Variants in ST7 observed in about 807,000 individuals in gnomAD.
The protein encoded by ST7 is suppressor of tumorigenicity 7 protein.
A neutral mutation model predicts 78.7 loss-of-function variants in ST7; 28 were observed. The ratio of observed to expected loss-of-function variants is 0.36; its 90% confidence interval spans 0.26 to 0.49. The LOEUF is 0.49. Among genes scored for constraint, ST7 ranks in the 20% least tolerant of loss-of-function variants. ST7 has a pLI of 0.99. For missense variants in ST7, 418 were observed against 696.0 expected (o/e 0.60, Z 4.49); for synonymous variants, 247 against 249.6 (o/e 0.99, Z 0.10).
At chr7:116,991,123 A>G (rs1794409204) in intron 1 of ST7, among the ~76,000 whole-genome samples, 2 of 152,148 alleles carry the variant, frequency 1.3e-5, no homozygotes, top group African/African-American at 4.8e-5. Context: ...TTTATCTATT[A>G]TACTTTTGAT....
At chr7:117,158,900 A>G (rs1806912400) in intron 9 of ST7, among the ~76,000 whole-genome samples, 2 of 152,346 alleles carry the variant, frequency 1.3e-5, no homozygotes, top group South Asian at 2.1e-4. Context: ...ACAAAATAGT[A>G]TCTGCTCTTT....
intron 12 of ST7, among the ~76,000 whole-genome samples, chr7:117,197,868 G>A (rs1182879199): frequency 6.6e-6 from 1 of 152,138 alleles, no homozygotes; most frequent in Non-Finnish European, 1.5e-5. Flanking sequence ...AAGATCGCTT[G>A]AGTCTAGGAG....
At chr7:117,175,016 C>T (rs765422188) in intron 10 of ST7, among the ~76,000 whole-genome samples, 31 of 152,168 alleles carry the variant, frequency 2.0e-4, no homozygotes, top group African/African-American at 6.8e-4. Context: ...ATTTCAGTGA[C>T]GCCTCATTGT....
chr7:117,176,462 G>A (rs539562823), intron 10 of ST7, among the ~76,000 whole-genome samples: 1 of 152,296 alleles, frequency 6.6e-6, no homozygotes, highest in African/African-American at 2.4e-5. Context: ...AGTCATTAGG[G>A]AATCATGCTA....
intron 1 of ST7, among the ~76,000 whole-genome samples, chr7:117,023,719 A>G (rs1796044117): frequency 1.3e-5 from 2 of 152,138 alleles, no homozygotes; most frequent in East Asian, 1.9e-4. Flanking sequence ...AGAAAGTACT[A>G]TCAAGTTTTG....
intron 1 of ST7, among the ~76,000 whole-genome samples, chr7:116,961,385 G>A (rs934250619): frequency 6.6e-6 from 1 of 152,162 alleles, no homozygotes; most frequent in Non-Finnish European, 1.5e-5. Context: ...GAATATCATT[G>A]AAATTGTAAA....
chr7:117,154,978 C>T (rs1184220266), intron 9 of ST7, among the ~76,000 whole-genome samples: 1 of 151,956 alleles, frequency 6.6e-6, no homozygotes, highest in African/African-American at 2.4e-5. Flanking sequence ...TATAGAATGC[C>T]TCACACCAGG....
intron 13 of ST7, among the ~76,000 whole-genome samples, chr7:117,212,999 T>C (rs984083242): frequency 4.6e-5 from 7 of 152,234 alleles, no homozygotes; most frequent in Admixed American, 3.3e-4. Context: ...CTGACTCAGC[T>C]ACTTATAGTA....
chr7:117,119,181 C>G (rs1488221359), intron 2 of ST7, among the ~76,000 whole-genome samples: 1 of 151,998 alleles, frequency 6.6e-6, no homozygotes, highest in Non-Finnish European at 1.5e-5. Context: ...GTGCAAAGAA[C>G]TGGAATATTT....
chr7:117,141,259 A>T (rs1024943632), intron 9 of ST7, among the ~76,000 whole-genome samples: 17 of 152,194 alleles, frequency 1.1e-4, no homozygotes, highest in African/African-American at 3.9e-4. Context: ...TAGAAATGTC[A>T]GTTAGAATGC....
chr7:117,138,403 TAAATGTTGGTG>T, intron 8 of ST7, 21 bp from the exon 9 acceptor site: 2 of 1,379,932 alleles, frequency 1.4e-6, no homozygotes, highest in Admixed American at 2.3e-5. Flanking sequence ...TTTTTTTTTT[TAAATGTTGGTG>T]TTTTATATCT....
At chr7:117,099,962 C>A in intron 2 of ST7, 118 bp downstream of exon 2, 1 of 693,002 alleles carries the variant, frequency 1.4e-6, no homozygotes, top group African/African-American at 1.9e-5. Context: ...GATTATCTTG[C>A]ACATGTATAT....
chr7:117,164,880 G>A (rs73211921), intron 9 of ST7, among the ~76,000 whole-genome samples: 1,942 of 152,026 alleles, frequency 0.013, 27 homozygotes, highest in Middle Eastern at 0.071. Flanking sequence ...GAGCTCATCT[G>A]TAAAGTGAGG....
chr7:116,982,769 AG>A (rs1312571740), intron 1 of ST7, among the ~76,000 whole-genome samples: 2 of 152,196 alleles, frequency 1.3e-5, no homozygotes, highest in Admixed American at 6.5e-5. Context: ...AAAAATATTT[AG>A]AAGCCAAGAT....
At chr7:116,966,935 C>T (rs1793148063) in intron 1 of ST7, among the ~76,000 whole-genome samples, 1 of 152,124 alleles carries the variant, frequency 6.6e-6, no homozygotes, top group African/African-American at 2.4e-5. Context: ...AGTTTACTTA[C>T]CACAGGATGT....
chr7:117,166,156 G>A (rs1399337015), intron 9 of ST7, among the ~76,000 whole-genome samples: 1 of 152,068 alleles, frequency 6.6e-6, no homozygotes, highest in Non-Finnish European at 1.5e-5. Flanking sequence ...AGAAATAACT[G>A]CTGTTAAAAT....
intron 1 of ST7, among the ~76,000 whole-genome samples, chr7:117,085,301 T>G (rs549930998): frequency 1.3e-5 from 2 of 152,248 alleles, no homozygotes. Context: ...CTGTCTCATG[T>G]TACATTCCCA....
intron 10 of ST7, among the ~76,000 whole-genome samples, chr7:117,176,234 C>T (rs1313689219): frequency 6.6e-6 from 1 of 152,164 alleles, no homozygotes; most frequent in Admixed American, 6.5e-5. Context: ...CTCAAACGAA[C>T]TAGGGACAGC....
chr7:117,109,440 A>G (rs937031378), intron 2 of ST7, among the ~76,000 whole-genome samples: 13 of 152,200 alleles, frequency 8.5e-5, no homozygotes, highest in Non-Finnish European at 1.5e-4. Context: ...GAACCCCTTT[A>G]CACACATAAA....
Sources: allele counts gnomAD v4.1 joint callset (sites outside exome capture counted in the v4.1 genomes callset), GRCh38; gene constraint gnomAD v4.1.1; transcripts MANE v1.5; gene names NCBI Gene and HGNC (gene_info 2026-07-23, HGNC 2026-07-21).